SARNP: variants seen among roughly 807,000 people sequenced by gnomAD.
SARNP encodes the protein SAP domain-containing ribonucleoprotein.
Under a neutral mutation model 38.1 loss-of-function variants are expected in SARNP, and 5 were observed. That is an observed-to-expected ratio of 0.13 (90% CI 0.07 to 0.28). SARNP has a LOEUF of 0.28. SARNP is among the 10% of genes least tolerant of loss of function. The probability of loss-of-function intolerance (pLI) is 1.00; values close to 1 mark genes in which losing one functional copy is unlikely to be tolerated. For missense variants in SARNP, 180 were observed against 243.9 expected (o/e 0.74, Z 1.75); for synonymous variants, 84 against 80.6 (o/e 1.04, Z -0.23).
chr12:55,802,109 C>T (rs902067291), intron 2 of SARNP, among the ~76,000 whole-genome samples: 1 of 152,064 alleles, frequency 6.6e-6, no homozygotes, highest in Non-Finnish European at 1.5e-5. Context: ...AAAACTTAGG[C>T]CACTTGATAG....
At chr12:55,787,602 A>G (rs778017979) in intron 9 of SARNP, among the ~76,000 whole-genome samples, 2 of 151,760 alleles carry the variant, frequency 1.3e-5, no homozygotes, top group Admixed American at 6.6e-5. Context: ...ATGCCCAGCT[A>G]ATTTTTGTAG....
At chr12:55,761,512 A>C (rs1358594843) in intron 9 of SARNP, 1 of 152,214 alleles carries the variant, frequency 6.6e-6, no homozygotes. Flanking sequence ...CAACTCTCTA[A>C]GAGAAATGCT....
chr12:55,763,300 A>G (rs1004497932), intron 9 of SARNP, among the ~76,000 whole-genome samples: 3 of 148,372 alleles, frequency 2.0e-5, no homozygotes, highest in Non-Finnish European at 3.0e-5. Context: ...GCAATATCTC[A>G]TTTACTACTT....
At chr12:55,766,477 C>T (rs1388804790) in intron 9 of SARNP, among the ~76,000 whole-genome samples, 1 of 152,106 alleles carries the variant, frequency 6.6e-6, no homozygotes, top group South Asian at 2.1e-4. Flanking sequence ...TATATACAAA[C>T]CTCATGGTAC....
downstream of SARNP, chr12:55,755,857 G>A (rs1333818545): frequency 6.6e-6 from 1 of 152,134 alleles, no homozygotes; most frequent in Admixed American, 6.5e-5. Flanking sequence ...TAAGATGAGT[G>A]AGGAGAATAA....
At position 55,796,093 on chromosome 12, in the gene SARNP, T is replaced by C; in HGVS notation, c.252-17A>G. 13 of 1,580,570 alleles carry C rather than the reference T, an allele frequency of 8.2e-6. No individual in the cohort carries two copies. Among genetic ancestry groups the C allele is most frequent in the Non-Finnish European group, 1.1e-5 (13 of 1,150,760 alleles). On this transcript the variant is annotated splice_polypyrimidine_tract_variant and intron_variant, in intron 4 of 10. Coordinates refer to ENST00000336133, the MANE Select transcript of SARNP (RefSeq NM_033082.4). The stretch of plus-strand genomic sequence containing the variant: ...TCTGCTGCCCTAGAAAAGAAAGAGA[T>C]TTTTTAAAATGAGAAAACTGATATT...
intron 1 of SARNP, among the ~76,000 whole-genome samples, chr12:55,807,739 G>A (rs531210008): frequency 8.6e-5 from 13 of 151,394 alleles, no homozygotes; most frequent in Middle Eastern, 3.5e-3. Context: ...GCGTGAACCC[G>A]GGAGGCGGAG....
intron 2 of SARNP, among the ~76,000 whole-genome samples, chr12:55,801,636 T>A (rs1879982271): frequency 6.6e-6 from 1 of 152,136 alleles, no homozygotes; most frequent in African/African-American, 2.4e-5. Flanking sequence ...TTGTTTTTGT[T>A]GAGACAGAGT....
At chr12:55,797,393 G>A (rs1262146011) in intron 4 of SARNP, among the ~76,000 whole-genome samples, 1 of 152,134 alleles carries the variant, frequency 6.6e-6, no homozygotes, top group African/African-American at 2.4e-5. Context: ...ATGAAGAAGG[G>A]GATCTCCTTT....
intron 2 of SARNP, among the ~76,000 whole-genome samples, chr12:55,802,280 A>G (rs1227826381): frequency 6.6e-6 from 1 of 152,044 alleles, no homozygotes; most frequent in African/African-American, 2.4e-5. Flanking sequence ...TTGGGCATAT[A>G]CCCCAAAAAG....
At chr12:55,775,528 C>CAAAAAA (rs1170184393) in intron 9 of SARNP, among the ~76,000 whole-genome samples, 1 of 53,390 alleles carries the variant, frequency 1.9e-5, no homozygotes, top group African/African-American at 7.9e-5. Flanking sequence ...CGCTCTGTCT[C>CAAAAAA]AAAAAAAAAA....
chr12:55,806,447 G>C (rs532314374), intron 1 of SARNP, among the ~76,000 whole-genome samples: 1 of 151,690 alleles, frequency 6.6e-6, no homozygotes, highest in Admixed American at 6.6e-5. Flanking sequence ...GCTAATTTTT[G>C]TATTTTTACT....
intron 9 of SARNP, among the ~76,000 whole-genome samples, chr12:55,782,714 G>C (rs1463011099): frequency 6.6e-6 from 1 of 152,092 alleles, no homozygotes; most frequent in African/African-American, 2.4e-5. Context: ...AGTCTCCTAA[G>C]TAGCTGGGAC....
chr12:55,799,907 G>A (rs1296863562), intron 4 of SARNP, among the ~76,000 whole-genome samples: 1 of 151,160 alleles, frequency 6.6e-6, no homozygotes, highest in Non-Finnish European at 1.5e-5. Context: ...TTAACAGAAT[G>A]GGCCGGGCAC....
chr12:55,800,104 T>C (rs1048226487), intron 4 of SARNP, among the ~76,000 whole-genome samples: 2 of 151,792 alleles, frequency 1.3e-5, no homozygotes, highest in African/African-American at 2.4e-5. Context: ...GGCAGGAGAA[T>C]TGCTTGAGCC....
chr12:55,798,024 G>A (rs577298354), intron 4 of SARNP, among the ~76,000 whole-genome samples: 25 of 152,258 alleles, frequency 1.6e-4, no homozygotes, highest in African/African-American at 5.5e-4. Flanking sequence ...ACCCACAGAA[G>A]CCAATTATCA....
At chr12:55,790,246 T>C (rs560982131) in intron 8 of SARNP, among the ~76,000 whole-genome samples, 6 of 151,180 alleles carry the variant, frequency 4.0e-5, no homozygotes, top group Admixed American at 3.9e-4. Context: ...GTGGTAATTA[T>C]GAATTAGACA....
At chr12:55,795,365 G>A (rs1280886986) in intron 5 of SARNP, among the ~76,000 whole-genome samples, 1 of 151,918 alleles carries the variant, frequency 6.6e-6, no homozygotes, top group Non-Finnish European at 1.5e-5. Flanking sequence ...GGACTTAACG[G>A]CCCTTCCCAC....
intron 9 of SARNP, among the ~76,000 whole-genome samples, chr12:55,772,329 G>A (rs955044696): frequency 1.4e-4 from 21 of 152,114 alleles, no homozygotes; most frequent in African/African-American, 4.3e-4. Flanking sequence ...GAACTTTAAA[G>A]TTACACGACA....
Sources: gnomAD v4.1 joint callset for allele counts (sites outside exome capture counted in the v4.1 genomes callset) on GRCh38, gnomAD v4.1.1 for gene constraint, MANE v1.5 for transcripts, NCBI Gene and HGNC (gene_info 2026-07-23, HGNC 2026-07-21) for gene names.